SLIT3: variants seen among roughly 807,000 people sequenced by gnomAD.
SLIT3 encodes the protein slit guidance ligand 3.
In SLIT3, 68 loss-of-function variants were observed where a neutral mutation model predicts 184.0. The observed-to-expected ratio is 0.37, with a 90% CI of 0.30 to 0.45. The LOEUF (loss-of-function observed/expected upper bound fraction) is 0.45. Ranked by LOEUF, SLIT3 falls within the 20% of genes least tolerant of loss-of-function variation. The probability of loss-of-function intolerance (pLI) is 1.00; values close to 1 mark genes in which losing one functional copy is unlikely to be tolerated. For synonymous variants in SLIT3, 831 were observed against 828.6 expected (o/e 1.00, Z -0.05); for missense variants, 1,707 against 2,026.0 (o/e 0.84, Z 3.02).
chr5:168,735,515 G>A (rs541297323), intron 20 of SLIT3, among the ~76,000 whole-genome samples: 18 of 152,218 alleles, frequency 1.2e-4, no homozygotes, highest in African/African-American at 4.3e-4. Context: ...TTAGTCACCT[G>A]TAAAACAAAG....
chr5:168,961,868 G>A (rs1480220387), intron 4 of SLIT3, among the ~76,000 whole-genome samples: 1 of 151,528 alleles, frequency 6.6e-6, no homozygotes, highest in Non-Finnish European at 1.5e-5. Context: ...ATGTGTGTGT[G>A]TGTGTGTGTG....
chr5:168,865,495 A>C (rs1300887870), intron 5 of SLIT3, among the ~76,000 whole-genome samples: 1 of 152,262 alleles, frequency 6.6e-6, no homozygotes, highest in African/African-American at 2.4e-5. Context: ...AAGGTAACAT[A>C]CTGTGTGATT....
At chr5:168,820,053 A>T (rs1249071603) in intron 7 of SLIT3, among the ~76,000 whole-genome samples, 1 of 152,244 alleles carries the variant, frequency 6.6e-6, no homozygotes, top group Non-Finnish European at 1.5e-5. Flanking sequence ...TTGGGAGATC[A>T]AGCTAAGCAA....
intron 4 of SLIT3, chr5:169,017,738 G>A (rs1756445653): frequency 1.3e-5 from 2 of 152,182 alleles, no homozygotes; most frequent in South Asian, 4.1e-4. Flanking sequence ...GTCCAAGGAA[G>A]AAGCTTGTCA....
At chr5:168,761,487 A>G (rs1440275976) in intron 15 of SLIT3, among the ~76,000 whole-genome samples, 3 of 152,048 alleles carry the variant, frequency 2.0e-5, no homozygotes, top group Admixed American at 6.5e-5. Context: ...TCCAGGGCTT[A>G]CTCTGTGCCA....
At chr5:169,282,002 A>G (rs1023373142) in intron 1 of SLIT3, among the ~76,000 whole-genome samples, 4 of 152,246 alleles carry the variant, frequency 2.6e-5, no homozygotes, top group Admixed American at 1.3e-4. Context: ...ACAGCCCACC[A>G]AACAACAAAA....
intron 9 of SLIT3, among the ~76,000 whole-genome samples, chr5:168,803,973 A>G (rs1175091868): frequency 6.6e-6 from 1 of 151,508 alleles, no homozygotes; most frequent in Non-Finnish European, 1.5e-5. Context: ...GGGTAGGGCA[A>G]GGGAGAGAAG....
At position 169,300,117 on chromosome 5, in the gene SLIT3, C is replaced by T. The variant is rs1002576566; in HGVS notation, c.197+396G>A. On this transcript the variant is annotated intron_variant, in intron 1 of 35. Coordinates refer to ENST00000519560, the MANE Select transcript of SLIT3 (RefSeq NM_003062.4). The surrounding 1 kb of genome is among the most constrained non-coding windows in gnomAD (Gnocchi z 4.1). ...CTCTCCCGCCTCCGCGCCTTGACGG[C>T]CCATCATCCTATAGCTTTCTCCTTC... Among the ~76,000 whole-genome samples, 2 of 152,256 alleles carry T rather than the reference C, an allele frequency of 1.3e-5. No homozygotes were observed. The highest frequency in any genetic ancestry group is 2.9e-5 in the Non-Finnish European group (2 of 68,052).
intron 16 of SLIT3, among the ~76,000 whole-genome samples, chr5:168,757,018 C>G (rs553085064): frequency 2.4e-3 from 359 of 152,348 alleles, no homozygotes; most frequent in Non-Finnish European, 4.0e-3. Context: ...CTGCTGCCGT[C>G]TCTACATCCA....
chr5:169,077,106 C>G (rs1169238250), intron 4 of SLIT3, among the ~76,000 whole-genome samples: 1 of 152,172 alleles, frequency 6.6e-6, no homozygotes, highest in Non-Finnish European at 1.5e-5. Flanking sequence ...CTTCTTCCTC[C>G]TCTCTAGCCT....
intron 3 of SLIT3, among the ~76,000 whole-genome samples, chr5:169,197,898 C>A (rs1763788390): frequency 6.6e-6 from 1 of 152,132 alleles, no homozygotes; most frequent in Non-Finnish European, 1.5e-5. Context: ...AGGCCCTTGT[C>A]TTTGTGGAAC....
At chr5:169,131,885 T>C (rs116074991) in intron 4 of SLIT3, among the ~76,000 whole-genome samples, 493 of 152,314 alleles carry the variant, frequency 3.2e-3, no homozygotes, top group African/African-American at 0.011. Context: ...TTCTTAAATA[T>C]CAAACAAAGT....
intron 5 of SLIT3, 80 bp from the exon 6 acceptor site, chr5:168,844,735 G>A: frequency 1.5e-6 from 2 of 1,321,004 alleles, no homozygotes; most frequent in Admixed American, 1.7e-5. Context: ...CCGAGCGCCT[G>A]TCCCTCCACC....
chr5:169,288,978 G>T (rs370805049), intron 1 of SLIT3, among the ~76,000 whole-genome samples: 9 of 152,304 alleles, frequency 5.9e-5, no homozygotes, highest in African/African-American at 1.9e-4. Flanking sequence ...GTTCAATTCA[G>T]ATATTGTGGG....
chr5:169,222,253 C>T (rs969973471), intron 3 of SLIT3, among the ~76,000 whole-genome samples: 11 of 151,930 alleles, frequency 7.2e-5, no homozygotes, highest in African/African-American at 2.7e-4. Context: ...TATCTTTGTC[C>T]TAAGCAAAAG....
At chr5:168,748,567 G>A (rs951600129) in intron 19 of SLIT3, 133 bp from the exon 20 acceptor site, 87 of 850,882 alleles carry the variant, frequency 1.0e-4, no homozygotes, top group Non-Finnish European at 1.3e-4. Context: ...ACCAGGAAGA[G>A]GGTACCCGCT....
chr5:168,726,204 A>C (rs1763102041), intron 20 of SLIT3, among the ~76,000 whole-genome samples: 1 of 151,810 alleles, frequency 6.6e-6, no homozygotes, highest in Non-Finnish European at 1.5e-5. Context: ...AAGCCAAGAG[A>C]AATGCATTCA....
intron 6 of SLIT3, among the ~76,000 whole-genome samples, chr5:168,844,027 A>C (rs991707330): frequency 8.1e-6 from 1 of 123,482 alleles, no homozygotes; most frequent in African/African-American, 3.1e-5. Context: ...TCACTGTTTA[A>C]AGTTTGAATT....
chr5:168,975,069 G>A (rs540549918), intron 4 of SLIT3, among the ~76,000 whole-genome samples: 1 of 152,276 alleles, frequency 6.6e-6, no homozygotes, highest in East Asian at 1.9e-4. Flanking sequence ...ACCACAAGGG[G>A]CACACAGACC....
Sources: allele counts gnomAD v4.1 joint callset (sites outside exome capture counted in the v4.1 genomes callset), GRCh38; gene constraint gnomAD v4.1.1; non-coding constraint Gnocchi (gnomAD v3.1); transcripts MANE v1.5; gene names NCBI Gene and HGNC (gene_info 2026-07-23, HGNC 2026-07-21).